Variants in CLHC1 observed in about 807,000 individuals in gnomAD.
CLHC1 encodes the protein clathrin heavy chain linker domain-containing protein 1.
CLHC1 carries 72 observed loss-of-function variants against 69.5 expected under a neutral mutation model. The ratio of observed to expected loss-of-function variants is 1.04; its 90% CI spans 0.86 to 1.26. The LOEUF (loss-of-function observed/expected upper bound fraction) is 1.26. Among genes scored for constraint, CLHC1 ranks in the 50% most tolerant of loss-of-function variants. The pLI is 0.00. For missense variants in CLHC1, 790 were observed against 679.3 expected (o/e 1.16, Z -1.81); for synonymous variants, 223 against 224.3 (o/e 0.99, Z 0.05).
At chr2:55,225,985 G>A (rs1018058290) in intron 2 of CLHC1, 1 of 152,178 alleles carries the variant, frequency 6.6e-6, no homozygotes, top group East Asian at 1.9e-4. Context: ...GAGGTCAGGA[G>A]ATCGAGACCA....
At chr2:55,228,833 C>T (rs901671825) in intron 1 of CLHC1, among the ~76,000 whole-genome samples, 3 of 152,106 alleles carry the variant, frequency 2.0e-5, no homozygotes, top group African/African-American at 7.2e-5. Flanking sequence ...AGGTTACATT[C>T]ATGTAGAAAC....
intron 1 of CLHC1, among the ~76,000 whole-genome samples, chr2:55,230,811 A>G (rs1461333048): frequency 1.3e-5 from 2 of 152,248 alleles, no homozygotes; most frequent in Admixed American, 6.5e-5. Context: ...AGTGACCATT[A>G]CAAGAGCTAT....
chr2:55,177,329 T>A (rs1175932046), intron 12 of CLHC1, among the ~76,000 whole-genome samples: 1 of 152,234 alleles, frequency 6.6e-6, no homozygotes, highest in Non-Finnish European at 1.5e-5. Context: ...TGTCAATATA[T>A]ACAAAGTTTT....
intron 5 of CLHC1, among the ~76,000 whole-genome samples, chr2:55,210,253 G>C (rs773047532): frequency 2.0e-5 from 3 of 151,914 alleles, no homozygotes; most frequent in Non-Finnish European, 4.4e-5. Context: ...CTGGAGTGCA[G>C]TGGTGCAATC....
chr2:55,193,135 A>G (rs1024109161), intron 9 of CLHC1, among the ~76,000 whole-genome samples: 2 of 151,600 alleles, frequency 1.3e-5, no homozygotes, highest in Non-Finnish European at 2.9e-5. Flanking sequence ...CTTGTGATCC[A>G]CCCGCCTCAG....
chr2:55,218,160 G>T (rs1015415916), intron 3 of CLHC1, 162 bp from the exon 4 acceptor site: 2 of 433,108 alleles, frequency 4.6e-6, no homozygotes, highest in Non-Finnish European at 4.0e-6. Context: ...GACACTAAAG[G>T]CAATATTTAC....
intron 12 of CLHC1, among the ~76,000 whole-genome samples, chr2:55,176,506 TG>T (rs1669403334): frequency 6.6e-6 from 1 of 152,186 alleles, no homozygotes; most frequent in Non-Finnish European, 1.5e-5. Flanking sequence ...CTCTTAATGA[TG>T]GGGCTTCTAT....
In CLHC1 at chr2:55,174,197, C is replaced by T. The variant is rs555205886; in HGVS notation, c.*1593G>A. On this transcript the variant is annotated 3_prime_UTR_variant, in exon 13 of 13. Transcript: ENST00000401408. Reference sequence around the variant, plus strand: ...GTAATAAATTGCTTTTTAAACTATGCACATGTATTACTTTAAAAATGCTAC... The same window carrying T: ...GTAATAAATTGCTTTTTAAACTATGTACATGTATTACTTTAAAAATGCTAC... Among the ~76,000 whole-genome samples the T allele has an allele frequency of 6.6e-6, 1 of 152,030 alleles. No homozygotes were observed. The highest frequency in any genetic ancestry group is 1.5e-5 in the Non-Finnish European group (1 of 68,002).
At chr2:55,218,457 T>G (rs1383294386) in intron 3 of CLHC1, 1 of 152,310 alleles carries the variant, frequency 6.6e-6, no homozygotes, top group Admixed American at 6.5e-5. Flanking sequence ...CTCATCAATA[T>G]TCTCAATATC....
intron 11 of CLHC1, among the ~76,000 whole-genome samples, chr2:55,179,734 C>A (rs1201548901): frequency 1.3e-5 from 2 of 152,140 alleles, no homozygotes. Flanking sequence ...TAGGGTCACC[C>A]TAAGGTCCAC....
chr2:55,205,186 C>A (rs1303801330), intron 9 of CLHC1, among the ~76,000 whole-genome samples: 1 of 152,066 alleles, frequency 6.6e-6, no homozygotes, highest in African/African-American at 2.4e-5. Context: ...TTAGTACAAT[C>A]TCTATGGAAT....
chr2:55,187,642 G>C (rs1670543308), intron 9 of CLHC1, among the ~76,000 whole-genome samples: 1 of 151,670 alleles, frequency 6.6e-6, no homozygotes, highest in Non-Finnish European at 1.5e-5. Flanking sequence ...GAAAAATACT[G>C]AACTCCCAAA....
Position 55,186,896 on chromosome 2 carries a change from C to T in CLHC1, c.1007-5152G>A, listed in dbSNP as rs576549168. Reference sequence around the variant, plus strand: ...ATGTTCTAGAAACAAAAGATATGATCATTGAGGTGGCACTACAAATTAGTG... The same window carrying T: ...ATGTTCTAGAAACAAAAGATATGATTATTGAGGTGGCACTACAAATTAGTG... On this transcript the variant is annotated intron_variant, in intron 9 of 12. Transcript: ENST00000401408. 1.2e-4 allele frequency among the ~76,000 whole-genome samples: 18 copies of T among 152,134 alleles called. No homozygotes were observed. The South Asian group carries it at 3.3e-3, about 28-fold the overall frequency.
chr2:55,200,808 A>G (rs1232718846), intron 9 of CLHC1, among the ~76,000 whole-genome samples: 3 of 152,228 alleles, frequency 2.0e-5, no homozygotes, highest in Non-Finnish European at 4.4e-5. Flanking sequence ...AACATTCAAA[A>G]AATTGAAATA....
intron 9 of CLHC1, among the ~76,000 whole-genome samples, chr2:55,196,688 C>T (rs541961549): frequency 6.6e-6 from 1 of 152,224 alleles, no homozygotes; most frequent in African/African-American, 2.4e-5. Context: ...TGACCAGCAG[C>T]AGTAGCCAGG....
intron 5 of CLHC1, among the ~76,000 whole-genome samples, chr2:55,211,240 G>A (rs1034947067): frequency 2.0e-5 from 3 of 151,928 alleles, no homozygotes; most frequent in Admixed American, 6.6e-5. Flanking sequence ...AGTGGCTCAC[G>A]CCTGTAATCC....
At chr2:55,215,229 T>C (rs963050186) in intron 4 of CLHC1, 1 of 152,210 alleles carries the variant, frequency 6.6e-6, no homozygotes, top group African/African-American at 2.4e-5. Context: ...AATATATTTT[T>C]AAAAAATCTT....
chr2:55,179,059 G>T (rs1669668345), intron 11 of CLHC1, among the ~76,000 whole-genome samples: 1 of 108,774 alleles, frequency 9.2e-6, no homozygotes, highest in Non-Finnish European at 1.8e-5. Context: ...CTCCTGAGTG[G>T]CTGGGACTAC....
chr2:55,218,119 C>A, intron 3 of CLHC1, 121 bp from the exon 4 acceptor site: 1 of 514,288 alleles, frequency 1.9e-6, no homozygotes, highest in Non-Finnish European at 3.2e-6. Context: ...AATTAGAAAT[C>A]TAAACTCTAC....
Sources: allele counts gnomAD v4.1 joint callset (sites outside exome capture counted in the v4.1 genomes callset), GRCh38; gene constraint gnomAD v4.1.1; transcripts MANE v1.5; gene names NCBI Gene and HGNC (gene_info 2026-07-23, HGNC 2026-07-21).